The following OR14I1 variants were observed in gnomAD, a reference collection of about 807,000 sequenced individuals.
The protein encoded by OR14I1 is olfactory receptor 14I1.
For synonymous variants in OR14I1, 118 were observed against 71.1 expected, an observed-to-expected ratio of 1.66 and a Z score of -3.32; for missense variants, 279 against 181.8, an observed-to-expected ratio of 1.53 and a Z score of -3.07.
the OR14I1 span, among the ~76,000 whole-genome samples, chr1:248,690,353 G>GA: frequency 1.3e-5 from 2 of 151,956 alleles, no homozygotes; most frequent in African/African-American, 4.8e-5. Flanking sequence ...AAGAAGCAAA[G>GA]AGAGAAGAAT....
exon 1 of OR14I1, chr1:248,681,716 T>C: frequency 1.3e-6 from 1 of 780,802 alleles, no homozygotes; most frequent in South Asian, 1.3e-5. Context: ...AGGGCCAGGG[T>C]CAAAAACTCT....
chr1:248,691,824 A>G, the OR14I1 span: 5 of 152,332 alleles, frequency 3.3e-5, no homozygotes, highest in African/African-American at 7.2e-5. Flanking sequence ...CACCCCGCCC[A>G]CCTCAGGACG....
chr1:248,699,472 A>G, the OR14I1 span, among the ~76,000 whole-genome samples: 4 of 152,174 alleles, frequency 2.6e-5, no homozygotes, highest in Non-Finnish European at 4.4e-5. Context: ...AGCAGAAATA[A>G]CATGCACTGA....
the OR14I1 span, among the ~76,000 whole-genome samples, chr1:248,688,952 A>G: frequency 2.7e-4 from 41 of 152,306 alleles, no homozygotes; most frequent in Non-Finnish European, 5.3e-4. Context: ...ATTATTGCCC[A>G]GGGAGTGTAG....
At chr1:248,684,359 C>T (rs973524096), upstream of OR14I1, among the ~76,000 whole-genome samples, 2 of 152,240 alleles carry the variant, frequency 1.3e-5, no homozygotes, top group Non-Finnish European at 2.9e-5. Context: ...GGACGAAGCT[C>T]TTTGCTGCTG....
the OR14I1 span, among the ~76,000 whole-genome samples, chr1:248,689,177 G>T: frequency 3.3e-5 from 5 of 152,178 alleles, no homozygotes; most frequent in African/African-American, 9.7e-5. Flanking sequence ...ATAAAGGCAT[G>T]CACCTCTTTG....
downstream of OR14I1, chr1:248,681,273 A>C: frequency 1.8e-6 from 1 of 560,062 alleles, no homozygotes; most frequent in Non-Finnish European, 3.1e-6. Context: ...ATTTTTCATC[A>C]TTTCATCAAC....
chr1:248,680,967 C>T (rs200531033), downstream of OR14I1, among the ~76,000 whole-genome samples: 69 of 147,222 alleles, frequency 4.7e-4, no homozygotes, highest in East Asian at 3.6e-3. Flanking sequence ...AAACTGTGTG[C>T]GTGTGTGTGT....
rs770558109 is a variant in OR14I1, at chr1:248,681,930, G to A, written c.375C>T (p.Cys125=). 9.0e-6 allele frequency: 7 copies of A among 780,936 alleles called. No individual in the cohort carries two copies. The East Asian group carries it at 1.5e-4, about 16-fold the overall frequency. 48.4% of individuals were successfully genotyped at this position (780,936 alleles called of 1,614,324 possible). A position where few individuals can be genotyped will look rare whatever the true frequency, so the allele number is the denominator to read the frequency against. Residue 125 remains cysteine, a synonymous_variant, in exon 1 of 1, where the codon TGC becomes TGT. Transcript: ENST00000342623. The stretch of plus-strand genomic sequence containing the variant: ...TCACGGCTCTGTATTGGAGGGGGTG[G>A]CAAATGGCAACATAGCGGTCATAAG...
chr1:248,695,606 G>T, the OR14I1 span, among the ~76,000 whole-genome samples: 5 of 152,066 alleles, frequency 3.3e-5, no homozygotes, highest in Non-Finnish European at 7.4e-5. Flanking sequence ...AGCAAGCCTG[G>T]TTAGCCCTGG....
chr1:248,681,963 A>G (rs961330416), exon 1 of OR14I1: 1 of 781,086 alleles, frequency 1.3e-6, no homozygotes, highest in South Asian at 1.3e-5. Context: ...AAGACATGAC[A>G]GTAAGGAAGG....
chr1:248,702,692 G>A, the OR14I1 span, among the ~76,000 whole-genome samples: 1 of 151,980 alleles, frequency 6.6e-6, no homozygotes, highest in Admixed American at 6.6e-5. Context: ...AAATCCTCCA[G>A]TGTCACCCAC....
upstream of OR14I1, among the ~76,000 whole-genome samples, chr1:248,683,094 G>A (rs533191367): frequency 7.9e-5 from 12 of 152,042 alleles, no homozygotes; most frequent in East Asian, 1.2e-3. Context: ...AAGATAAAAC[G>A]GAGGCATAAC....
chr1:248,682,073 T>C (rs1027272038), exon 1 of OR14I1: 4 of 780,946 alleles, frequency 5.1e-6, no homozygotes, highest in Non-Finnish European at 7.2e-6. Context: ...CGGATGGATT[T>C]AGGCACAGTG....
At chr1:248,695,228 CTTTTTTTTTTTT>C in the OR14I1 span, among the ~76,000 whole-genome samples, 3 of 96,732 alleles carry the variant, frequency 3.1e-5, no homozygotes, top group African/African-American at 1.4e-4. Flanking sequence ...TGAATGTATG[CTTTTTTTTTTTT>C]TTTTTTTTTT....
downstream of OR14I1, among the ~76,000 whole-genome samples, chr1:248,680,147 T>G (rs1047912895): frequency 2.6e-5 from 4 of 152,204 alleles, no homozygotes; most frequent in Admixed American, 1.3e-4. Flanking sequence ...GCAGGACAGT[T>G]TTTAAGAAAG....
chr1:248,687,343 T>G, the OR14I1 span, among the ~76,000 whole-genome samples: 10 of 152,214 alleles, frequency 6.6e-5, no homozygotes, highest in African/African-American at 1.7e-4. Flanking sequence ...TCAGTTTACT[T>G]TGCAGTTACA....
chr1:248,686,138 A>G (rs2103135601), upstream of OR14I1, among the ~76,000 whole-genome samples: 1 of 152,342 alleles, frequency 6.6e-6, no homozygotes, highest in African/African-American at 2.4e-5. Flanking sequence ...TTAAATATGT[A>G]TAAAGATTTC....
At chr1:248,691,918 AGT>A in the OR14I1 span, 1 of 48,230 alleles carries the variant, frequency 2.1e-5, no homozygotes, top group African/African-American at 4.7e-5. Context: ...CGGGCCTACA[AGT>A]CTCTAGGCTA....
Sources: gnomAD v4.1 joint callset for allele counts (sites outside exome capture counted in the v4.1 genomes callset) on GRCh38, gnomAD v4.1.1 for gene constraint, MANE v1.5 for transcripts, NCBI Gene and HGNC (gene_info 2026-07-23, HGNC 2026-07-21) for gene names.